ZNF793: variants seen among roughly 807,000 people sequenced by gnomAD.
ZNF793 encodes zinc finger protein 793.
In ZNF793, 5 loss-of-function variants were observed where a neutral mutation model predicts 12.4. The observed-to-expected ratio is 0.40, with a 90% CI of 0.21 to 0.84. The LOEUF is 0.84. ZNF793 is among the 40% of genes least tolerant of loss of function. ZNF793 has a pLI of 0.35. For missense variants in ZNF793, 456 were observed against 495.0 expected, an observed-to-expected ratio of 0.92 and a Z score of 0.75; for synonymous variants, 162 against 172.4, an observed-to-expected ratio of 0.94 and a Z score of 0.47.
chr19:37,512,586 A>ATTG (rs35248321), intron 2 of ZNF793, among the ~76,000 whole-genome samples: 44,115 of 151,784 alleles, frequency 0.29, 8,113 homozygotes, highest in African/African-American at 0.52. Flanking sequence ...CCATTCTGTA[A>ATTG]TTAAGATTTT....
intron 5 of ZNF793, among the ~76,000 whole-genome samples, chr19:37,530,369 G>A (rs1336702018): frequency 1.3e-5 from 2 of 152,134 alleles, no homozygotes; most frequent in African/African-American, 2.4e-5. Flanking sequence ...TCGGGCTGGG[G>A]GATGGTCAGG....
chr19:37,528,522 G>C (rs760373590), intron 5 of ZNF793, among the ~76,000 whole-genome samples: 2 of 152,088 alleles, frequency 1.3e-5, no homozygotes, highest in Non-Finnish European at 2.9e-5. Flanking sequence ...CAAGAGTATA[G>C]AGATTACTTT....
At chr19:37,514,657 CT>C (rs926694620) in intron 2 of ZNF793, among the ~76,000 whole-genome samples, 25 of 147,222 alleles carry the variant, frequency 1.7e-4, no homozygotes, top group South Asian at 4.3e-4. Flanking sequence ...TTACCCAACC[CT>C]TTTTTTTTTA....
intron 5 of ZNF793, 44 bp downstream of exon 5, chr19:37,523,498 C>A: frequency 6.3e-7 from 1 of 1,598,260 alleles, no homozygotes; most frequent in Non-Finnish European, 8.6e-7. Context: ...CCTGGGGAAA[C>A]TGTCCTAGAG....
At chr19:37,534,976 G>GCC (rs2042493191) in intron 7 of ZNF793, 1 of 151,632 alleles carries the variant, frequency 6.6e-6, no homozygotes, top group Non-Finnish European at 1.5e-5. Context: ...GAGCCACCAT[G>GCC]CCCAGTCCTT....
rs1343230403 is a variant in ZNF793, at chr19:37,533,302, G to T, written c.143-6G>T. On this transcript the variant is annotated splice_polypyrimidine_tract_variant and splice_region_variant and intron_variant, in intron 6 of 7. Coordinates refer to ENST00000627814, the MANE Select transcript of ZNF793 (RefSeq NM_001013659.3). ...CCCAAGACCTGCATCAATTTCCCCGGAACAGGTTATGAAGGCACCAAACCA... is the reference window on the plus strand; with the variant it reads ...CCCAAGACCTGCATCAATTTCCCCGTAACAGGTTATGAAGGCACCAAACCA... 3 of 1,613,786 alleles carry T rather than the reference G, an allele frequency of 1.9e-6. No homozygotes were observed. Among genetic ancestry groups the T allele is most frequent in the South Asian group, 1.1e-5 (1 of 91,054 alleles).
chr19:37,537,335 C>A lies in ZNF793; in HGVS notation c.677C>A (p.Pro226His), dbSNP rs2042514556. The A allele has an allele frequency of 6.2e-7, 1 of 1,613,304 alleles. No individual in the cohort carries two copies. The highest frequency in any genetic ancestry group is 8.5e-7 in the Non-Finnish European group (1 of 1,179,698). Residue 226 changes from proline to histidine, a missense_variant, in exon 8 of 8, where the codon CCC becomes CAC. By Grantham distance (77) the Pro-to-His change is moderately conservative (BLOSUM62 -2). Transcript: ENST00000627814. ...KRKRVPPTEK[P>H]HVCSECGKAF... ...AAGAGGGTTCCACCTACAGAAAAACCCCACGTCTGTAGTGAGTGTGGGAAA... is the reference window on the plus strand; with the variant it reads ...AAGAGGGTTCCACCTACAGAAAAACACCACGTCTGTAGTGAGTGTGGGAAA...
intron 2 of ZNF793, among the ~76,000 whole-genome samples, chr19:37,517,456 C>CAAA (rs35675130): frequency 3.6e-5 from 4 of 109,792 alleles, no homozygotes; most frequent in South Asian, 2.7e-4. Flanking sequence ...AACTCTGTCT[C>CAAA]AAAAAAAAAA....
At chr19:37,527,003 A>C (rs1334805115) in intron 5 of ZNF793, among the ~76,000 whole-genome samples, 2 of 152,090 alleles carry the variant, frequency 1.3e-5, no homozygotes, top group Admixed American at 1.3e-4. Flanking sequence ...GCTGGAGTGC[A>C]GTGGCACAAT....
intron 5 of ZNF793, among the ~76,000 whole-genome samples, chr19:37,527,644 C>T (rs1382964733): frequency 6.6e-6 from 1 of 152,176 alleles, no homozygotes; most frequent in African/African-American, 2.4e-5. Context: ...CTTTGCATCT[C>T]ATGTTATGTG....
intron 7 of ZNF793, chr19:37,536,142 T>C (rs984771268): frequency 3.8e-6 from 1 of 265,464 alleles, no homozygotes; most frequent in African/African-American, 2.2e-5. Flanking sequence ...TTAAGAACTC[T>C]TGCTTAAGTC....
intron 7 of ZNF793, chr19:37,535,319 C>T (rs2042496511): frequency 6.6e-6 from 1 of 152,072 alleles, no homozygotes; most frequent in African/African-American, 2.4e-5. Flanking sequence ...CTGATATCTC[C>T]TAAAATGAGA....
At chr19:37,524,403 A>G (rs1016869960) in intron 5 of ZNF793, among the ~76,000 whole-genome samples, 2 of 152,062 alleles carry the variant, frequency 1.3e-5, no homozygotes, top group African/African-American at 4.8e-5. Context: ...CCCTCATTTG[A>G]TGGACATTTG....
rs2042561823 is a variant in ZNF793, at chr19:37,543,060, A to G, written c.*5181A>G. ...ATTTTGCTAATTTGTGGGGATGTTC[A>G]TGGTATATATTGTAAAAAGGGAAAA... is the stretch of plus-strand genomic sequence containing the variant. On this transcript the variant is annotated 3_prime_UTR_variant, in exon 8 of 8. Coordinates refer to ENST00000627814, the MANE Select transcript of ZNF793 (RefSeq NM_001013659.3). The G allele has an allele frequency of 6.6e-6, 1 of 152,232 alleles. No individual in the cohort carries two copies. The highest frequency in any genetic ancestry group is 2.1e-4 in the South Asian group (1 of 4,832). 9.4% of individuals were successfully genotyped at this position (152,232 alleles called of 1,614,324 possible).
At chr19:37,533,641 T>C in intron 7 of ZNF793, 1 of 518,190 alleles carries the variant, frequency 1.9e-6, no homozygotes, top group Non-Finnish European at 3.4e-6. Flanking sequence ...ATCTTTCCCA[T>C]GCAGGTATTC....
At chr19:37,534,922 A>T (rs1164128838) in intron 7 of ZNF793, 2 of 152,254 alleles carry the variant, frequency 1.3e-5, no homozygotes, top group African/African-American at 4.8e-5. Flanking sequence ...GGGCTCAAGC[A>T]GTCCACCTGC....
chr19:37,521,425 T>TTC, intron 3 of ZNF793, among the ~76,000 whole-genome samples: 2 of 148,296 alleles, frequency 1.3e-5, no homozygotes, highest in East Asian at 4.1e-4. Context: ...GCATGGTCAA[T>TTC]TCTCTTTTTT....
chr19:37,536,264 C>T (rs1049121072), intron 7 of ZNF793: 5 of 393,806 alleles, frequency 1.3e-5, no homozygotes, highest in African/African-American at 1.0e-4. Flanking sequence ...ACTGCTATAC[C>T]AGTGCTTGTT....
intron 5 of ZNF793, among the ~76,000 whole-genome samples, chr19:37,525,365 C>T (rs1446144635): frequency 2.0e-5 from 3 of 151,652 alleles, no homozygotes; most frequent in African/African-American, 7.3e-5. Context: ...GTCTCGATCT[C>T]CTGACCTTGT....
Sources: gnomAD v4.1 joint callset for allele counts (sites outside exome capture counted in the v4.1 genomes callset) on GRCh38, gnomAD v4.1.1 for gene constraint, MANE v1.5 for transcripts, NCBI Gene and HGNC (gene_info 2026-07-23, HGNC 2026-07-21) for gene names.